The following ARSH variants were observed in gnomAD, a reference collection of about 807,000 sequenced individuals.
ARSH encodes the protein arylsulfatase H.
In ARSH, 32 loss-of-function variants were observed where a neutral mutation model predicts 28.7. The observed-to-expected ratio is 1.11, with a 90% CI of 0.84 to 1.50. The LOEUF is 1.50. ARSH is among the 40% of genes most tolerant of loss of function. The probability of loss-of-function intolerance (pLI) is 0.00; values close to 1 mark genes in which losing one functional copy is unlikely to be tolerated. For synonymous variants in ARSH, 176 were observed against 177.3 expected, an observed-to-expected ratio of 0.99 and a Z score of 0.06; for missense variants, 440 against 452.4, an observed-to-expected ratio of 0.97 and a Z score of 0.25.
At chrX:3,025,268 T>C (rs771207452) in intron 6 of ARSH, among the ~76,000 whole-genome samples, 1 of 106,659 alleles carries the variant, frequency 9.4e-6, no homozygotes, top group Admixed American at 1.1e-4. Flanking sequence ...CATAATCCTG[T>C]ACACATTCAC....
intron 6 of ARSH, 74 bp from the exon 7 acceptor site, chrX:3,027,239 C>T (rs751872707): frequency 1.3e-5 from 14 of 1,100,486 alleles, no homozygotes; most frequent in African/African-American, 5.4e-5. Flanking sequence ...GGATTACAGG[C>T]GTGAGCCACC....
intron 2 of ARSH, among the ~76,000 whole-genome samples, chrX:3,012,569 ATATATAT>A (rs1238045660): frequency 1.1e-4 from 2 of 18,290 alleles, no homozygotes; most frequent in African/African-American, 6.1e-4. Context: ...AAAAAAAAAA[ATATATAT>A]ATATATATAT....
chrX:3,014,507 T>A (rs1377992997), intron 3 of ARSH, among the ~76,000 whole-genome samples: 6 of 111,111 alleles, frequency 5.4e-5, no homozygotes, highest in African/African-American at 1.3e-4. Flanking sequence ...AAATCTCGGT[T>A]ACCTTTCAGT....
chrX:3,006,754 A>T, intron 1 of ARSH, 50 bp downstream of exon 1: 1 of 1,022,511 alleles, frequency 9.8e-7, no homozygotes, highest in South Asian at 2.1e-5. Flanking sequence ...CTCCCTTACC[A>T]CAGTGTTCAC....
At chrX:3,023,741 A>G (rs1339343293) in intron 5 of ARSH, among the ~76,000 whole-genome samples, 4 of 106,564 alleles carry the variant, frequency 3.8e-5, no homozygotes, top group Non-Finnish European at 7.7e-5. Context: ...ATTCAAATGT[A>G]TAAAAGTATG....
At chrX:3,008,409 T>C (rs1289043484) in intron 1 of ARSH, among the ~76,000 whole-genome samples, 1 of 111,600 alleles carries the variant, frequency 9.0e-6, no homozygotes, top group Non-Finnish European at 1.9e-5. Flanking sequence ...ATCTTAAGCA[T>C]ATATTTGTTG....
At chrX:3,013,817 A>C (rs1363823215) in intron 3 of ARSH, among the ~76,000 whole-genome samples, 1 of 111,045 alleles carries the variant, frequency 9.0e-6, no homozygotes, top group Non-Finnish European at 1.9e-5. Flanking sequence ...AAGGTTAAGA[A>C]ATTTTCTATC....
Position 3,006,667 on chromosome X carries a change from G to GT in ARSH, c.56dup (p.Asp21GlyfsTer7). On this transcript the variant is annotated frameshift_variant, in exon 1 of 9. Coordinates refer to ENST00000381130, the MANE Select transcript of ARSH (RefSeq NM_001011719.2). LOFTEE classifies it high-confidence loss of function. ...CCTGCTGATGGCAGATGACCTTGGA[G>GT]TGGGGGATTTGTGCTGCTACGGTAA... The GT allele has an allele frequency of 8.3e-7, 1 of 1,211,413 alleles. No individual in the cohort carries two copies. The highest frequency in any genetic ancestry group is 1.1e-6 in the Non-Finnish European group (1 of 895,316).
intron 2 of ARSH, among the ~76,000 whole-genome samples, chrX:3,012,132 C>T (rs758597933): frequency 3.6e-5 from 4 of 112,154 alleles, no homozygotes; most frequent in East Asian, 2.8e-4. Context: ...CCACTGAGCC[C>T]GGCCTGAAAT....
At chrX:3,023,917 C>T in intron 5 of ARSH, 104 bp from the exon 6 acceptor site, 1 of 921,647 alleles carries the variant, frequency 1.1e-6, no homozygotes. Context: ...TGCAGAATAA[C>T]ATTGAAACGC....
Position 3,032,919 on chromosome X carries a change from C to T in ARSH, c.1322-99C>T, listed in dbSNP as rs779192388. 47 of 892,432 alleles carry T rather than the reference C, an allele frequency of 5.3e-5. No homozygotes were observed. The South Asian group carries it at 1.1e-3, about 20-fold the overall frequency. The allele number at this position is 892,432 out of a possible 1,213,427, so 73.5% of individuals were successfully genotyped here. A position where few individuals can be genotyped will look rare whatever the true frequency, so the allele number is the denominator to read the frequency against. On this transcript the variant is annotated intron_variant, in intron 8 of 8. Transcript: ENST00000381130. ...GTAATGCTGTGCAGAAGAGTATTATCAATCACTAGAAAAAGCTTTTGAGAA... is the reference window on the plus strand; with the variant it reads ...GTAATGCTGTGCAGAAGAGTATTATTAATCACTAGAAAAAGCTTTTGAGAA...
intron 1 of ARSH, among the ~76,000 whole-genome samples, chrX:3,008,486 T>TTTCTTTCTTTCTTTCTTTC (rs2089836561): frequency 9.7e-6 from 1 of 103,027 alleles, no homozygotes; most frequent in African/African-American, 3.6e-5. Flanking sequence ...TCTTTCTTTC[T>TTTCTTTCTTTCTTTCTTTC]TTCTTTCTTT....
intron 7 of ARSH, among the ~76,000 whole-genome samples, chrX:3,028,799 G>A (rs1019664561): frequency 2.7e-5 from 3 of 110,607 alleles, no homozygotes; most frequent in South Asian, 3.9e-4. Flanking sequence ...TCCTTCTTCC[G>A]CCAGGCGCCG....
intron 3 of ARSH, among the ~76,000 whole-genome samples, chrX:3,014,306 T>C: frequency 9.0e-6 from 1 of 111,315 alleles, no homozygotes; most frequent in Non-Finnish European, 1.9e-5. Flanking sequence ...TTATTCATAA[T>C]AAAGGGTCTG....
Position 3,009,068 on chromosome X carries a change from A to G in ARSH, c.93-962A>G, listed in dbSNP as rs745543790. On this transcript the variant is annotated intron_variant, in intron 1 of 8. Coordinates refer to ENST00000381130, the MANE Select transcript of ARSH (RefSeq NM_001011719.2). ...TCCAAAATGTCACAATTTGGTCATA[A>G]AATAGGTCAATTTTACCGTAAGATA... 9.9e-4 allele frequency among the ~76,000 whole-genome samples: 111 copies of G among 111,654 alleles called. No homozygotes were observed. The Middle Eastern group carries it at 0.014, about 14-fold the overall frequency.
At chrX:3,024,177 A>G in intron 6 of ARSH, 22 bp downstream of exon 6, 4 of 1,132,031 alleles carry the variant, frequency 3.5e-6, no homozygotes, top group Non-Finnish European at 4.7e-6. Flanking sequence ...TAGAGAACCA[A>G]CGCCTGTCCA....
rs1176462960 is a variant in ARSH at position 3,012,586 on chromosome X, T to TATATA, written c.215-460_215-456dup. On this transcript the variant is annotated intron_variant, in intron 2 of 8. Coordinates refer to ENST00000381130, the MANE Select transcript of ARSH (RefSeq NM_001011719.2). ...AAAAAAAAATATATATATATATATA[T>TATATA]ATATATATATATAATATATATATGT... Among the ~76,000 whole-genome samples, 23 of 23,042 alleles carry TATATA rather than the reference T, an allele frequency of 1.0e-3. 1 individual carries two copies. The highest frequency in any genetic ancestry group is 4.1e-3 in the South Asian group (1 of 242). The allele number at this position is 23,042 out of a possible 115,157, so 20.0% of individuals were successfully genotyped here.
In ARSH at chrX:3,027,256, G is replaced by A. The variant is rs908557945; in HGVS notation, c.1037-57G>A. Reference sequence around the variant, plus strand: ...ATTACAGGCGTGAGCCACCGTGCCCGGCCAATATGGTTGGGTTTTAACTCA... The same window carrying A: ...ATTACAGGCGTGAGCCACCGTGCCCAGCCAATATGGTTGGGTTTTAACTCA... On this transcript the variant is annotated intron_variant, in intron 6 of 8. Transcript: ENST00000381130. 18 of 1,174,361 alleles carry A rather than the reference G, an allele frequency of 1.5e-5. No individual in the cohort carries two copies. In the South Asian group the frequency reaches 1.7e-4, roughly 11 times the overall value.
intron 6 of ARSH, among the ~76,000 whole-genome samples, 193 bp from the exon 7 acceptor site, chrX:3,027,120 G>A (rs777739786): frequency 9.0e-6 from 1 of 111,354 alleles, no homozygotes; most frequent in East Asian, 2.8e-4. Flanking sequence ...ACCATGCCCA[G>A]CTAATGGTTT....
Sources: gnomAD v4.1 joint callset for allele counts (sites outside exome capture counted in the v4.1 genomes callset) on GRCh38, gnomAD v4.1.1 for gene constraint, MANE v1.5 for transcripts, NCBI Gene and HGNC (gene_info 2026-07-23, HGNC 2026-07-21) for gene names.